The following OTOP1 variants were observed in gnomAD, a reference collection of about 807,000 sequenced individuals.
OTOP1 encodes the protein otopetrin 1.
OTOP1 carries 59 observed loss-of-function variants against 52.9 expected under a neutral mutation model. That is an observed-to-expected ratio of 1.12 (90% confidence interval 0.91 to 1.39). OTOP1 has a LOEUF of 1.39. Ranked by LOEUF, OTOP1 falls within the 40% of genes most tolerant of loss-of-function variation. The probability of loss-of-function intolerance (pLI) is 0.00; values close to 1 mark genes in which losing one functional copy is unlikely to be tolerated. For missense variants in OTOP1, 761 were observed against 800.9 expected (o/e 0.95, Z 0.60); for synonymous variants, 317 against 337.7 (o/e 0.94, Z 0.67).
At chr4:4,194,275 G>A (rs1321838913) in intron 5 of OTOP1, among the ~76,000 whole-genome samples, 1 of 152,220 alleles carries the variant, frequency 6.6e-6, no homozygotes, top group Non-Finnish European at 1.5e-5. Context: ...CTGACTATAA[G>A]AATTTGTGTT....
At chr4:4,205,021 C>G (rs1055453800) in intron 3 of OTOP1, among the ~76,000 whole-genome samples, 5 of 152,184 alleles carry the variant, frequency 3.3e-5, no homozygotes, top group African/African-American at 9.7e-5. Context: ...ATCCGCCCAC[C>G]TGGGCCTCCC....
Position 4,222,597 on chromosome 4 carries a change from A to T in OTOP1, c.403+3865T>A, listed in dbSNP as rs535127933. On this transcript the variant is annotated intron_variant, in intron 1 of 5. Transcript: ENST00000296358. Reference sequence around the variant, plus strand: ...ACACTATGTCTATATTTTCCACTGGACCAGAAATATCATCTAAGAAAACAA... The same window carrying T: ...ACACTATGTCTATATTTTCCACTGGTCCAGAAATATCATCTAAGAAAACAA... 1.2e-4 allele frequency among the ~76,000 whole-genome samples: 19 copies of T among 152,278 alleles called. No individual in the cohort carries two copies. The South Asian group carries it at 1.5e-3, about 12-fold the overall frequency.
intron 5 of OTOP1, among the ~76,000 whole-genome samples, chr4:4,190,619 A>C (rs578085419): frequency 2.0e-5 from 3 of 152,350 alleles, no homozygotes; most frequent in Admixed American, 6.5e-5. Flanking sequence ...AGGTATTCTA[A>C]GTAATCTAGA....
rs1717296375 is a variant in OTOP1 at position 4,221,282 on chromosome 4, G to C, written c.403+5180C>G. Among the ~76,000 whole-genome samples the C allele has an allele frequency of 2.6e-5, 4 of 151,884 alleles. No individual in the cohort carries two copies. In the South Asian group the frequency reaches 8.3e-4, roughly 32 times the overall value. On this transcript the variant is annotated intron_variant, in intron 1 of 5. Transcript: ENST00000296358. ...AATCAATTTTAAGAAAATGAGCCAG[G>C]CGTAGTAGCACACACCTGTAGTCCC...
chr4:4,198,384 T>TGATAGATA (rs141024749), intron 4 of OTOP1, among the ~76,000 whole-genome samples: 1 of 151,792 alleles, frequency 6.6e-6, no homozygotes, highest in Non-Finnish European at 1.5e-5. Context: ...GATATGTAGA[T>TGATAGATA]GATAGATAGA....
Position 4,197,434 on chromosome 4 carries a change from C to T in OTOP1, c.1400G>A (p.Cys467Tyr), listed in dbSNP as rs774493011. ...DIQTLRVVTV[C>Y]NGNTMPLASS... ...AGCAAGGGGCATGGTGTTGCCATTG[C>T]AGACTGTGACCACCCGAAGGGTTTG... The change falls in exon 5 of 6, where the codon TGC (cysteine) becomes TAC (tyrosine). Residue 467 changes from cysteine to tyrosine, a missense_variant. Coordinates refer to ENST00000296358, the MANE Select transcript of OTOP1 (RefSeq NM_177998.3). 2.0e-5 allele frequency: 33 copies of T among 1,614,074 alleles called. No individual in the cohort carries two copies. The South Asian group carries it at 2.9e-4, about 14-fold the overall frequency.
chr4:4,201,471 T>C (rs10804987), intron 4 of OTOP1, among the ~76,000 whole-genome samples: 85,802 of 140,254 alleles, frequency 0.61, 26,344 homozygotes, highest in South Asian at 0.72. Context: ...TATATATATA[T>C]ACACACACAC....
intron 1 of OTOP1, among the ~76,000 whole-genome samples, chr4:4,213,901 C>A (rs1717080354): frequency 6.6e-6 from 1 of 152,094 alleles, no homozygotes; most frequent in Admixed American, 6.6e-5. Context: ...ACCAGCCCAG[C>A]CAACGTGGTG....
At chr4:4,208,091 T>C (rs1362633098) in intron 2 of OTOP1, among the ~76,000 whole-genome samples, 2 of 152,176 alleles carry the variant, frequency 1.3e-5, no homozygotes, top group Non-Finnish European at 2.9e-5. Context: ...ACATCAGGTA[T>C]GCATTTGTCT....
chr4:4,201,791 C>T (rs1384755050), intron 4 of OTOP1, among the ~76,000 whole-genome samples: 1 of 152,196 alleles, frequency 6.6e-6, no homozygotes, highest in Non-Finnish European at 1.5e-5. Flanking sequence ...AAAGGTCACA[C>T]AGCTTGTACA....
chr4:4,194,315 C>T (rs7673100), intron 5 of OTOP1, among the ~76,000 whole-genome samples: 114,253 of 151,810 alleles, frequency 0.75, 43,233 homozygotes, highest in South Asian at 0.87. Flanking sequence ...AAAATGCAGC[C>T]GAATAGTATC....
At chr4:4,203,152 A>G (rs1716826132) in intron 3 of OTOP1, among the ~76,000 whole-genome samples, 1 of 152,280 alleles carries the variant, frequency 6.6e-6, no homozygotes, top group South Asian at 2.1e-4. Flanking sequence ...AATGGGCACT[A>G]CAGAAATGCT....
chr4:4,208,057 T>C lies in OTOP1; in HGVS notation c.541-1927A>G, dbSNP rs114066820. Among the ~76,000 whole-genome samples the C allele has an allele frequency of 7.0e-3, 1,066 of 152,216 alleles. 6 individuals are homozygous for C. The highest frequency in any genetic ancestry group is 0.025 in the African/African-American group (1,020 of 41,514). ...CAGCGAACCTGCATTCCTACTAAGA[T>C]AAAAAAACGTCGGGCACAGGAAGAC... On this transcript the variant is annotated intron_variant, in intron 2 of 5. Transcript: ENST00000296358.
intron 1 of OTOP1, among the ~76,000 whole-genome samples, chr4:4,223,197 C>T (rs142454431): frequency 1.7e-3 from 253 of 152,334 alleles, no homozygotes; most frequent in African/African-American, 5.7e-3. Context: ...TACTTAGTGT[C>T]CCAAAGACAC....
At chr4:4,225,742 C>G (rs1717416277) in intron 1 of OTOP1, among the ~76,000 whole-genome samples, 1 of 152,100 alleles carries the variant, frequency 6.6e-6, no homozygotes, top group Non-Finnish European at 1.5e-5. Flanking sequence ...CCACTTCGTG[C>G]CAGGCCCTGA....
chr4:4,219,432 T>C (rs1240072601), intron 1 of OTOP1, among the ~76,000 whole-genome samples: 2 of 152,124 alleles, frequency 1.3e-5, no homozygotes, highest in Non-Finnish European at 2.9e-5. Context: ...CCGGGCGCGG[T>C]GGCTCACGCC....
In OTOP1 at chr4:4,226,848, C is replaced by T; in HGVS notation, c.17G>A (p.Gly6Glu). The T allele has an allele frequency of 1.5e-6, 2 of 1,338,628 alleles. No individual in the cohort carries two copies. The highest frequency in any genetic ancestry group is 1.9e-6 in the Non-Finnish European group (2 of 1,050,054). The allele number at this position is 1,338,628 out of a possible 1,614,324, so 82.9% of individuals were successfully genotyped here. The change falls in exon 1 of 6, where the codon GGG becomes GAG. Residue 6 changes from glycine to glutamate, a missense_variant. Physicochemically the swap from Gly to Glu is moderately conservative, Grantham distance 98 (BLOSUM62 -2). Coordinates refer to ENST00000296358, the MANE Select transcript of OTOP1 (RefSeq NM_177998.3). MLEGL[G>E]SPASPRAAAS... ...AGCTGCCCGGGGCGAGGCGGGCGAC[C>T]CCAGGCCCTCGAGCATCTTCGAGAC...
intron 3 of OTOP1, among the ~76,000 whole-genome samples, chr4:4,203,664 A>C (rs1716838345): frequency 6.6e-6 from 1 of 152,252 alleles, no homozygotes. Context: ...CTGCAGGCTT[A>C]AGATGTATTC....
intron 2 of OTOP1, among the ~76,000 whole-genome samples, chr4:4,206,491 T>C (rs1266622623): frequency 1.3e-5 from 2 of 152,212 alleles, no homozygotes; most frequent in Non-Finnish European, 2.9e-5. Context: ...TTAGTTTTCA[T>C]CTAAGAAATA....
Sources: gnomAD v4.1 joint callset for allele counts (sites outside exome capture counted in the v4.1 genomes callset) on GRCh38, gnomAD v4.1.1 for gene constraint, MANE v1.5 for transcripts, NCBI Gene and HGNC (gene_info 2026-07-23, HGNC 2026-07-21) for gene names.